SIPA1L1: variants seen among roughly 807,000 people sequenced by gnomAD.
SIPA1L1 encodes the protein signal-induced proliferation-associated 1-like protein 1.
A neutral mutation model predicts 162.7 loss-of-function variants in SIPA1L1; 26 were observed. That is an observed-to-expected ratio of 0.16 (90% CI 0.12 to 0.22). The LOEUF is 0.22. Among genes scored for constraint, SIPA1L1 ranks in the 10% least tolerant of loss-of-function variants. SIPA1L1 has a pLI of 1.00. For missense variants in SIPA1L1, 1,874 were observed against 2,241.0 expected (o/e 0.84, Z 3.31); for synonymous variants, 829 against 837.4 (o/e 0.99, Z 0.17).
At chr14:71,332,455 A>T (rs1172147281) in intron 2 of SIPA1L1, among the ~76,000 whole-genome samples, 2 of 152,146 alleles carry the variant, frequency 1.3e-5, no homozygotes, top group Non-Finnish European at 2.9e-5. Flanking sequence ...TTATTTATAT[A>T]TATAGAGAGA....
intron 17 of SIPA1L1, 67 bp downstream of exon 17, chr14:71,709,731 A>G: frequency 3.6e-6 from 5 of 1,388,198 alleles, no homozygotes; most frequent in Non-Finnish European, 9.9e-7. Flanking sequence ...GCCTCAGCCC[A>G]CTTTACTTTG....
chr14:71,514,535 C>T (rs149001606), intron 3 of SIPA1L1, among the ~76,000 whole-genome samples: 126 of 152,304 alleles, frequency 8.3e-4, no homozygotes, highest in Non-Finnish European at 1.7e-3. Context: ...TTCCCTGGTG[C>T]TGCCTGCAAC....
chr14:71,351,814 T>TTAATTAAATCTATATTGAGTGCCTAC (rs1415666272), intron 2 of SIPA1L1, among the ~76,000 whole-genome samples: 2 of 152,064 alleles, frequency 1.3e-5, no homozygotes, highest in Non-Finnish European at 1.5e-5. Context: ...AATTAATAGA[T>TTAATTAAATCTATATTGAGTGCCTAC]TAATTAAATC....
Position 71,702,331 on chromosome 14 carries a change from C to T in SIPA1L1, c.3522-50C>T, listed in dbSNP as rs1399728101. 5 of 1,603,240 alleles carry T rather than the reference C, an allele frequency of 3.1e-6. No individual in the cohort carries two copies. The South Asian group carries it at 4.4e-5, about 14-fold the overall frequency. ...ATTACACCCAGGACTGCCTTCCCCT[C>T]ATGGGTAAGGTCCCTGATGTTGTCT... On this transcript the variant is annotated intron_variant, in intron 14 of 23. Coordinates refer to ENST00000381232, the MANE Select transcript of SIPA1L1 (RefSeq NM_001386936.1).
chr14:71,376,523 C>G (rs2039387882), intron 2 of SIPA1L1, among the ~76,000 whole-genome samples: 1 of 150,790 alleles, frequency 6.6e-6, no homozygotes, highest in South Asian at 2.1e-4. Context: ...TTTAAGTATT[C>G]CTTTTTCTTT....
intron 2 of SIPA1L1, among the ~76,000 whole-genome samples, chr14:71,495,381 CTAATT>C (rs1187748847): frequency 1.3e-5 from 2 of 151,460 alleles, no homozygotes; most frequent in Admixed American, 6.6e-5. Flanking sequence ...TCCATTTAAT[CTAATT>C]TGTCTAATTT....
chr14:71,683,098 G>A (rs2045954759), intron 12 of SIPA1L1, among the ~76,000 whole-genome samples: 2 of 152,206 alleles, frequency 1.3e-5, no homozygotes, highest in South Asian at 2.1e-4. Context: ...AGGCTGTGGT[G>A]AACCTTGATC....
rs2042848229 is a variant in SIPA1L1, at chr14:71,653,966, A to G, written c.1993+3457A>G. ...CATAAATGTAGAATGAAGTATAGCAAAGCCCCAAGACCGGCCTTTAGCCTA... is the reference window on the plus strand; with the variant it reads ...CATAAATGTAGAATGAAGTATAGCAGAGCCCCAAGACCGGCCTTTAGCCTA... On this transcript the variant is annotated intron_variant, in intron 8 of 23. Transcript: ENST00000381232. 2.0e-5 allele frequency among the ~76,000 whole-genome samples: 3 copies of G among 152,204 alleles called. No individual in the cohort carries two copies. The South Asian group carries it at 6.2e-4, about 32-fold the overall frequency.
rs527792195 is a variant in SIPA1L1 at position 71,646,427 on chromosome 14, C to T, written c.1819-3908C>T. 3.9e-5 allele frequency among the ~76,000 whole-genome samples: 6 copies of T among 152,298 alleles called. No homozygotes were observed. In the South Asian group the frequency reaches 8.3e-4, roughly 21 times the overall value. On this transcript the variant is annotated intron_variant, in intron 7 of 23. Coordinates refer to ENST00000381232, the MANE Select transcript of SIPA1L1 (RefSeq NM_001386936.1). Reference sequence around the variant, plus strand: ...TCCTGACCTCATGAGCCACCCGCCTCGGCCTCCCAAAGTGCTGGGATTACA... The same window carrying T: ...TCCTGACCTCATGAGCCACCCGCCTTGGCCTCCCAAAGTGCTGGGATTACA...
At chr14:71,437,458 C>T (rs2141112778) in intron 2 of SIPA1L1, among the ~76,000 whole-genome samples, 1 of 152,298 alleles carries the variant, frequency 6.6e-6, no homozygotes, top group South Asian at 2.1e-4. Context: ...ACCTCTGCCT[C>T]TGTGGTTCGA....
At chr14:71,669,391 T>C (rs1222031675) in intron 10 of SIPA1L1, among the ~76,000 whole-genome samples, 1 of 152,220 alleles carries the variant, frequency 6.6e-6, no homozygotes, top group Non-Finnish European at 1.5e-5. Context: ...TTGCTCTCCT[T>C]ATTTAAAATA....
intron 2 of SIPA1L1, among the ~76,000 whole-genome samples, chr14:71,385,231 C>T (rs1285684775): frequency 1.3e-5 from 2 of 152,176 alleles, no homozygotes; most frequent in Non-Finnish European, 2.9e-5. Context: ...GACAGTCTTC[C>T]TCAACATGGT....
rs577426566 is a variant in SIPA1L1, at chr14:71,595,136, C to T, written c.1498+5766C>T. Among the ~76,000 whole-genome samples, 171 of 152,268 alleles carry T rather than the reference C, an allele frequency of 1.1e-3. 2 individuals are homozygous for T. The highest frequency in any genetic ancestry group is 4.0e-3 in the African/African-American group (167 of 41,542). ...AGGGCGTGGGCTTCAACTGCTCCTA[C>T]ATGTGTTTTATTTTAAAATCAAGAT... On this transcript the variant is annotated intron_variant, in intron 5 of 23. Coordinates refer to ENST00000381232, the MANE Select transcript of SIPA1L1 (RefSeq NM_001386936.1).
chr14:71,371,489 G>A lies in SIPA1L1; in HGVS notation c.-465+50308G>A, dbSNP rs138911627. Among the ~76,000 whole-genome samples, 12 of 152,270 alleles carry A rather than the reference G, an allele frequency of 7.9e-5. 1 individual carries two copies. Among genetic ancestry groups the A allele is most frequent in the African/African-American group, 2.9e-4 (12 of 41,544 alleles). ...TGCATCCTCGACCTCCCTGGCTCAA[G>A]TGATCCTCCCACCTCAGCCTCCCAA... On this transcript the variant is annotated intron_variant, in intron 2 of 23. Transcript: ENST00000381232.
At chr14:71,530,554 A>G (rs1002376896) in intron 4 of SIPA1L1, among the ~76,000 whole-genome samples, 14 of 152,208 alleles carry the variant, frequency 9.2e-5, no homozygotes, top group African/African-American at 3.4e-4. Context: ...TTTCAAATAT[A>G]AAAAGCATAT....
At chr14:71,391,252 G>A (rs59852557) in intron 2 of SIPA1L1, among the ~76,000 whole-genome samples, 3,286 of 151,750 alleles carry the variant, frequency 0.022, 116 homozygotes, top group African/African-American at 0.075. Context: ...GACTACAGGC[G>A]CCCGCCACAC....
intron 2 of SIPA1L1, among the ~76,000 whole-genome samples, chr14:71,464,516 C>T (rs1595596059): frequency 6.6e-6 from 1 of 152,248 alleles, no homozygotes; most frequent in Middle Eastern, 3.4e-3. Flanking sequence ...TGGCACACGT[C>T]TGGAATCCCA....
intron 2 of SIPA1L1, among the ~76,000 whole-genome samples, chr14:71,463,720 A>G (rs531900770): frequency 5.3e-5 from 8 of 152,270 alleles, no homozygotes; most frequent in African/African-American, 1.4e-4. Context: ...ATGATTCTCT[A>G]TTTTTAGAAT....
At chr14:71,531,301 T>C (rs2053424379) in intron 4 of SIPA1L1, among the ~76,000 whole-genome samples, 1 of 143,064 alleles carries the variant, frequency 7.0e-6, no homozygotes, top group Non-Finnish European at 1.5e-5. Context: ...AATTTACTTC[T>C]TTTTTTTTTT....
Sources: allele counts gnomAD v4.1 joint callset (sites outside exome capture counted in the v4.1 genomes callset), GRCh38; gene constraint gnomAD v4.1.1; transcripts MANE v1.5; gene names NCBI Gene and HGNC (gene_info 2026-07-23, HGNC 2026-07-21).